Variants in KCNIP4 observed in about 807,000 individuals in gnomAD.
KCNIP4 encodes the protein Kv channel-interacting protein 4.
Under a neutral mutation model 34.0 loss-of-function variants are expected in KCNIP4, and 12 were observed. That is an observed-to-expected ratio of 0.35 (90% CI 0.23 to 0.57). The LOEUF (loss-of-function observed/expected upper bound fraction) is 0.57, where lower values mean the gene tolerates loss of function less well. Among genes scored for constraint, KCNIP4 ranks in the 20% least tolerant of loss-of-function variants. KCNIP4 has a pLI of 0.83. For missense variants in KCNIP4, 238 were observed against 311.7 expected, an observed-to-expected ratio of 0.76 and a Z score of 1.78; for synonymous variants, 124 against 102.2, an observed-to-expected ratio of 1.21 and a Z score of -1.29.
At chr4:21,260,668 G>C (rs533437328) in intron 1 of KCNIP4, among the ~76,000 whole-genome samples, 373 of 152,260 alleles carry the variant, frequency 2.4e-3, no homozygotes, top group African/African-American at 8.4e-3. Flanking sequence ...TTATCTACTA[G>C]GGTACATTAT....
At chr4:21,097,766 G>C (rs753653998) in intron 1 of KCNIP4, among the ~76,000 whole-genome samples, 3 of 151,982 alleles carry the variant, frequency 2.0e-5, no homozygotes, top group Admixed American at 6.6e-5. Flanking sequence ...ATTGAAATTA[G>C]ACCAATTAAT....
intron 1 of KCNIP4, among the ~76,000 whole-genome samples, chr4:21,314,006 G>A (rs931604032): frequency 1.1e-4 from 16 of 152,202 alleles, no homozygotes; most frequent in African/African-American, 3.9e-4. Context: ...GGCTCGGGCT[G>A]TGATCATATC....
intron 1 of KCNIP4, among the ~76,000 whole-genome samples, chr4:21,336,639 C>T (rs943614029): frequency 3.9e-5 from 6 of 152,006 alleles, no homozygotes; most frequent in South Asian, 2.1e-4. Flanking sequence ...GAATGCAAAA[C>T]ATGATATAGT....
chr4:21,685,701 C>G (rs1294126366), intron 1 of KCNIP4, among the ~76,000 whole-genome samples: 2 of 152,284 alleles, frequency 1.3e-5, no homozygotes, highest in East Asian at 3.9e-4. Flanking sequence ...GTCTATGATC[C>G]AAGAATATAT....
intron 1 of KCNIP4, among the ~76,000 whole-genome samples, chr4:21,602,357 C>A (rs769680272): frequency 2.6e-5 from 4 of 152,146 alleles, no homozygotes; most frequent in Non-Finnish European, 4.4e-5. Flanking sequence ...GGATCCTCTG[C>A]ATATAACACG....
intron 1 of KCNIP4, among the ~76,000 whole-genome samples, chr4:21,928,859 C>T (rs2109005261): frequency 6.7e-6 from 1 of 149,946 alleles, no homozygotes; most frequent in South Asian, 2.2e-4. Flanking sequence ...ACCCCATATT[C>T]CTTCCCGAGA....
chr4:20,734,788 C>CAAAA (rs370525081), intron 5 of KCNIP4, 53 bp from the exon 6 acceptor site: 2 of 919,490 alleles, frequency 2.2e-6, no homozygotes, highest in South Asian at 1.7e-5. Context: ...AAAACAAAAA[C>CAAAA]AAAAAAAACA....
intron 1 of KCNIP4, among the ~76,000 whole-genome samples, chr4:21,551,204 G>T (rs1738552546): frequency 2.0e-5 from 3 of 151,964 alleles, no homozygotes; most frequent in Non-Finnish European, 4.4e-5. Context: ...TATTTTAAAT[G>T]CTAAAAACTT....
Position 21,093,407 on chromosome 4 carries a change from G to A in KCNIP4, c.62-210698C>T, listed in dbSNP as rs575572712. On this transcript the variant is annotated intron_variant, in intron 1 of 8. Transcript: ENST00000382152. The stretch of plus-strand genomic sequence containing the variant: ...AAAGGGCAACATAAGCTGAATGCAA[G>A]ATACCTTATAAAATTAGAAAAGCAA... 5.9e-5 allele frequency among the ~76,000 whole-genome samples: 9 copies of A among 152,282 alleles called. No homozygotes were observed. In the South Asian group the frequency reaches 1.9e-3, roughly 32 times the overall value.
chr4:21,598,416 C>A (rs568114414), intron 1 of KCNIP4, among the ~76,000 whole-genome samples: 20 of 152,050 alleles, frequency 1.3e-4, no homozygotes, highest in Non-Finnish European at 2.6e-4. Context: ...GTCTCTGATG[C>A]AATACTCAAC....
chr4:21,292,843 C>T (rs990996647), intron 1 of KCNIP4, among the ~76,000 whole-genome samples: 1 of 152,160 alleles, frequency 6.6e-6, no homozygotes, highest in Non-Finnish European at 1.5e-5. Flanking sequence ...CTAAAGCCAA[C>T]TCCTTTACAA....
intron 1 of KCNIP4, among the ~76,000 whole-genome samples, chr4:21,814,923 G>C (rs1365348527): frequency 6.6e-6 from 1 of 152,120 alleles, no homozygotes; most frequent in African/African-American, 2.4e-5. Context: ...GTAAGCCTGA[G>C]CTCTAACAAT....
intron 3 of KCNIP4, among the ~76,000 whole-genome samples, chr4:20,779,889 A>C (rs756546362): frequency 1.3e-5 from 2 of 152,184 alleles, no homozygotes; most frequent in Non-Finnish European, 2.9e-5. Context: ...TCAAGGGAGC[A>C]TGGCCCTGCT....
At chr4:21,170,532 G>C (rs1040655591) in intron 1 of KCNIP4, among the ~76,000 whole-genome samples, 2 of 151,960 alleles carry the variant, frequency 1.3e-5, no homozygotes, top group Non-Finnish European at 1.5e-5. Context: ...TTTGAAGTGA[G>C]GTAAGAGGAA....
At chr4:21,678,873 A>G (rs1220736853) in intron 1 of KCNIP4, among the ~76,000 whole-genome samples, 1 of 152,162 alleles carries the variant, frequency 6.6e-6, no homozygotes, top group African/African-American at 2.4e-5. Context: ...ACGTGACTGT[A>G]CTTAGAGATA....
intron 1 of KCNIP4, among the ~76,000 whole-genome samples, chr4:21,448,626 C>G (rs766591289): frequency 6.6e-6 from 1 of 152,046 alleles, no homozygotes; most frequent in Non-Finnish European, 1.5e-5. Context: ...AAATTCTCAG[C>G]CTACCCAATA....
chr4:21,183,164 T>C (rs1754969085), intron 1 of KCNIP4, among the ~76,000 whole-genome samples: 1 of 152,134 alleles, frequency 6.6e-6, no homozygotes, highest in South Asian at 2.1e-4. Flanking sequence ...GGTACCTACA[T>C]GTTGTTGTAA....
At chr4:21,707,932 TACACACACACACACACACAC>T (rs3050896) in intron 1 of KCNIP4, among the ~76,000 whole-genome samples, 1 of 146,824 alleles carries the variant, frequency 6.8e-6, no homozygotes, top group Non-Finnish European at 1.5e-5. Context: ...AACACACACA[TACACACACACACACACACAC>T]ACACACACAC....
intron 1 of KCNIP4, among the ~76,000 whole-genome samples, chr4:21,690,715 G>A (rs1404694555): frequency 1.3e-5 from 2 of 152,068 alleles, no homozygotes; most frequent in African/African-American, 4.8e-5. Flanking sequence ...GCAAAACAGA[G>A]TAACACAGCC....
Sources: allele counts gnomAD v4.1 joint callset (sites outside exome capture counted in the v4.1 genomes callset), GRCh38; gene constraint gnomAD v4.1.1; transcripts MANE v1.5; gene names NCBI Gene and HGNC (gene_info 2026-07-23, HGNC 2026-07-21).